CNTNAP2: variants seen among roughly 807,000 people sequenced by gnomAD.
CNTNAP2 encodes contactin associated protein 2.
CNTNAP2 carries 98 observed loss-of-function variants against 155.2 expected under a neutral mutation model. The ratio of observed to expected loss-of-function variants is 0.63; its 90% CI spans 0.54 to 0.75. The LOEUF (loss-of-function observed/expected upper bound fraction) is 0.75. Among genes scored for constraint, CNTNAP2 ranks in the 30% least tolerant of loss-of-function variants. CNTNAP2 has a pLI of 0.00. For missense variants in CNTNAP2, 1,727 were observed against 1,688.1 expected (o/e 1.02, Z -0.40); for synonymous variants, 651 against 631.2 (o/e 1.03, Z -0.47).
chr7:146,192,125 T>G (rs980360843), intron 1 of CNTNAP2, among the ~76,000 whole-genome samples: 6 of 152,206 alleles, frequency 3.9e-5, no homozygotes, highest in African/African-American at 1.4e-4. Context: ...CCATGAAATC[T>G]TCACAATTTA....
Position 147,927,944 on chromosome 7 carries a change from C to T in CNTNAP2, c.2255+24223C>T, listed in dbSNP as rs372729660. On this transcript the variant is annotated intron_variant, in intron 14 of 23. Transcript: ENST00000361727. ...GGTTTGGCTGTGTCCCCACTCAAAT[C>T]TCATCTTGAATTGTAGCTTCCATAA... 6.6e-5 allele frequency among the ~76,000 whole-genome samples: 10 copies of T among 152,312 alleles called. No individual in the cohort carries two copies. In the South Asian group the frequency reaches 2.1e-3, roughly 32 times the overall value.
chr7:147,760,026 T>G (rs1490897593), intron 13 of CNTNAP2, among the ~76,000 whole-genome samples: 1 of 152,130 alleles, frequency 6.6e-6, no homozygotes, highest in East Asian at 1.9e-4. Flanking sequence ...CTCTCCCTTC[T>G]CTTCTTGGAC....
chr7:147,397,042 GA>G (rs1026647328), intron 10 of CNTNAP2, among the ~76,000 whole-genome samples: 3 of 151,998 alleles, frequency 2.0e-5, no homozygotes, highest in Non-Finnish European at 4.4e-5. Flanking sequence ...ATCTGAATAA[GA>G]TGGCGTTCGT....
chr7:146,712,389 A>ATAG (rs1181206465), intron 1 of CNTNAP2, among the ~76,000 whole-genome samples: 1 of 145,586 alleles, frequency 6.9e-6, no homozygotes, highest in Non-Finnish European at 1.5e-5. Context: ...TGTATACTAT[A>ATAG]TATATAAATA....
intron 20 of CNTNAP2, among the ~76,000 whole-genome samples, chr7:148,233,221 C>T (rs1795992342): frequency 6.6e-6 from 1 of 152,224 alleles, no homozygotes; most frequent in Admixed American, 6.5e-5. Context: ...CCTTGTGCAA[C>T]TAACCCTTTC....
intron 1 of CNTNAP2, among the ~76,000 whole-genome samples, chr7:146,618,600 C>T (rs1799266342): frequency 6.6e-6 from 1 of 152,116 alleles, no homozygotes; most frequent in Non-Finnish European, 1.5e-5. Flanking sequence ...AACAAAGAAA[C>T]TCTGCACTTA....
At chr7:146,606,650 G>T (rs1799053214) in intron 1 of CNTNAP2, among the ~76,000 whole-genome samples, 1 of 152,094 alleles carries the variant, frequency 6.6e-6, no homozygotes, top group Non-Finnish European at 1.5e-5. Context: ...TCAACAAGCA[G>T]AAATATAACC....
intron 8 of CNTNAP2, among the ~76,000 whole-genome samples, chr7:147,287,936 G>C (rs756659425): frequency 6.6e-6 from 1 of 152,054 alleles, no homozygotes; most frequent in Non-Finnish European, 1.5e-5. Flanking sequence ...GACGGTAAGA[G>C]CATCCTAATA....
chr7:147,551,575 A>G (rs192376984), intron 11 of CNTNAP2, among the ~76,000 whole-genome samples: 29 of 152,328 alleles, frequency 1.9e-4, no homozygotes, highest in Admixed American at 9.8e-4. Context: ...CTATTATAAA[A>G]CAAGCCTACA....
chr7:146,457,647 G>T (rs1796576933), intron 1 of CNTNAP2, among the ~76,000 whole-genome samples: 2 of 149,750 alleles, frequency 1.3e-5, no homozygotes, highest in Admixed American at 6.7e-5. Context: ...GGGACTACAG[G>T]TACGTGCCAC....
intron 21 of CNTNAP2, among the ~76,000 whole-genome samples, chr7:148,360,481 A>G (rs1798597663): frequency 6.6e-6 from 1 of 152,224 alleles, no homozygotes; most frequent in Non-Finnish European, 1.5e-5. Flanking sequence ...TGGAAATGGA[A>G]CGTGAGGAAT....
intron 3 of CNTNAP2, among the ~76,000 whole-genome samples, chr7:146,952,578 A>G (rs1420250745): frequency 6.6e-6 from 1 of 152,202 alleles, no homozygotes; most frequent in Non-Finnish European, 1.5e-5. Flanking sequence ...ACTTCGGCGA[A>G]GTCTCAGGAT....
chr7:147,576,976 A>G (rs1439925881), intron 12 of CNTNAP2, among the ~76,000 whole-genome samples: 1 of 152,056 alleles, frequency 6.6e-6, no homozygotes, highest in African/African-American at 2.4e-5. Context: ...CATCCTTGGG[A>G]TGTATTTTAA....
chr7:146,476,177 T>C (rs1241773622), intron 1 of CNTNAP2, among the ~76,000 whole-genome samples: 3 of 152,200 alleles, frequency 2.0e-5, no homozygotes, highest in Non-Finnish European at 4.4e-5. Flanking sequence ...TTTTTCTCTC[T>C]TTTGCCTTTA....
At chr7:146,683,084 A>C in intron 1 of CNTNAP2, among the ~76,000 whole-genome samples, 1 of 152,114 alleles carries the variant, frequency 6.6e-6, no homozygotes, top group African/African-American at 2.4e-5. Flanking sequence ...CTGAGGCTGG[A>C]GTGCAGTGGC....
intron 18 of CNTNAP2, among the ~76,000 whole-genome samples, chr7:148,186,040 A>G (rs891969275): frequency 1.2e-4 from 18 of 152,208 alleles, no homozygotes; most frequent in African/African-American, 4.3e-4. Context: ...TGAATTTATG[A>G]TTACTCAGAC....
At chr7:148,045,145 G>T (rs1235190840) in intron 15 of CNTNAP2, among the ~76,000 whole-genome samples, 1 of 152,178 alleles carries the variant, frequency 6.6e-6, no homozygotes, top group African/African-American at 2.4e-5. Flanking sequence ...TTGACTCACA[G>T]ATCCAGAGCA....
intron 8 of CNTNAP2, among the ~76,000 whole-genome samples, chr7:147,216,797 T>G (rs1263855975): frequency 2.0e-5 from 3 of 152,010 alleles, no homozygotes; most frequent in Non-Finnish European, 4.4e-5. Context: ...CAATATTGAG[T>G]CATCCTTTCC....
chr7:148,301,339 T>G (rs185002355), intron 21 of CNTNAP2, among the ~76,000 whole-genome samples: 98 of 135,288 alleles, frequency 7.2e-4, no homozygotes, highest in Non-Finnish European at 1.2e-3. Context: ...AAATGTCCAT[T>G]TTATGTTAGG....
Sources: gnomAD v4.1 joint callset for allele counts (sites outside exome capture counted in the v4.1 genomes callset) on GRCh38, gnomAD v4.1.1 for gene constraint, MANE v1.5 for transcripts, NCBI Gene and HGNC (gene_info 2026-07-23, HGNC 2026-07-21) for gene names.